The following CSF2RA variants were observed in gnomAD, a reference collection of about 807,000 sequenced individuals.
CSF2RA encodes granulocyte-macrophage colony-stimulating factor receptor subunit alpha.
A neutral mutation model predicts 51.6 loss-of-function variants in CSF2RA; 42 were observed. The observed-to-expected ratio is 0.81, with a 90% CI of 0.64 to 1.05. The LOEUF (loss-of-function observed/expected upper bound fraction) is 1.05. Among genes scored for constraint, CSF2RA ranks in the 50% least tolerant of loss-of-function variants. CSF2RA has a pLI of 0.00. For synonymous variants in CSF2RA, 222 were observed against 193.0 expected (o/e 1.15, Z -1.24); for missense variants, 530 against 501.1 (o/e 1.06, Z -0.55).
intron 2 of CSF2RA, among the ~76,000 whole-genome samples, chrX:1,278,439 C>A (rs1274799447): frequency 6.7e-6 from 1 of 149,560 alleles, no homozygotes; most frequent in Non-Finnish European, 1.5e-5. Context: ...ATAATCCCAG[C>A]ACTTTGGGAG....
chrX:1,309,742 C>A lies in CSF2RA; in HGVS notation c.*263C>A. 1 of 750,844 alleles carries A rather than the reference C, an allele frequency of 1.3e-6. No homozygotes were observed. Among genetic ancestry groups the A allele is most frequent in the Non-Finnish European group, 2.3e-6 (1 of 434,780 alleles). 46.5% of individuals were successfully genotyped at this position (750,844 alleles called of 1,614,324 possible). Reference sequence around the variant, plus strand: ...TCTGGACTAAAAATGCAGAAATTTACCCAGGCACGGCGGCGGACGCCCATC... The same window carrying A: ...TCTGGACTAAAAATGCAGAAATTTAACCAGGCACGGCGGCGGACGCCCATC... On this transcript the variant is annotated 3_prime_UTR_variant, in exon 13 of 13. Transcript: ENST00000381529.
the CSF2RA span, among the ~76,000 whole-genome samples, chrX:1,321,806 C>CT: frequency 1.1e-4 from 16 of 152,074 alleles, no homozygotes; most frequent in African/African-American, 3.6e-4. Flanking sequence ...TGCCACACTG[C>CT]TTATGATGCC....
At chrX:1,314,428 C>CAACCACACTGCACCTGCCT (rs2084372171), downstream of CSF2RA, among the ~76,000 whole-genome samples, 1 of 148,862 alleles carries the variant, frequency 6.7e-6, no homozygotes, top group African/African-American at 2.6e-5. Context: ...TGCACCTGCC[C>CAACCACACTGCACCTGCCT]AACCGCACTG....
rs2083797006 is a variant in CSF2RA, at chrX:1,307,788, T to C, written c.1126-1614T>C. Reference sequence around the variant, plus strand: ...CAACTGATTAGATGAGGCCCACCTTTCCCTTTTTAGACCTTTGACTGATTA... The same window carrying C: ...CAACTGATTAGATGAGGCCCACCTTCCCCTTTTTAGACCTTTGACTGATTA... On this transcript the variant is annotated intron_variant, in intron 12 of 12. Transcript: ENST00000381529. Among the ~76,000 whole-genome samples the C allele has an allele frequency of 2.8e-5, 4 of 140,438 alleles. 1 individual carries two copies. The highest frequency in any genetic ancestry group is 6.4e-5 in the Non-Finnish European group (4 of 62,342). The allele number at this position is 140,438 out of a possible 152,430, so 92.1% of individuals were successfully genotyped here.
Position 1,309,405 on chromosome X carries a change from A to T in CSF2RA, c.1129A>T (p.Ile377Phe). 1 of 1,613,898 alleles carries T rather than the reference A, an allele frequency of 6.2e-7. No homozygotes were observed. Among genetic ancestry groups the T allele is most frequent in the Non-Finnish European group, 8.5e-7 (1 of 1,179,802 alleles). Residue 377 changes from isoleucine to phenylalanine, a missense_variant, in exon 13 of 13, where the codon ATC (isoleucine) becomes TTC (phenylalanine). By Grantham distance (21) the Ile-to-Phe change is conservative. Transcript: ENST00000381529. ...CCTGAACCCTCCTTTTTCTCAGATC[A>T]TCTGGGAGGAATTCACCCCAGAGGA... Reference protein sequence around the residue: ...NDNHEVEDEIIWEEFTPEEGK... With the variant: ...NDNHEVEDEIFWEEFTPEEGK...
chrX:1,318,185 CAG>C, the CSF2RA span, among the ~76,000 whole-genome samples: 2 of 144,488 alleles, frequency 1.4e-5, no homozygotes, highest in Non-Finnish European at 3.0e-5. Context: ...TTTTTTGAGA[CAG>C]AGTTTCATTC....
intron 12 of CSF2RA, chrX:1,306,039 A>G (rs752104658): frequency 1.3e-3 from 616 of 464,096 alleles, no homozygotes; most frequent in Non-Finnish European, 2.2e-3. Flanking sequence ...CCGAGATCGC[A>G]CCACTGCACT....
downstream of CSF2RA, among the ~76,000 whole-genome samples, chrX:1,311,163 T>G (rs1432848249): frequency 6.6e-6 from 1 of 151,098 alleles, no homozygotes; most frequent in Non-Finnish European, 1.5e-5. Context: ...GCAGCAGAAT[T>G]GCTTGAACCC....
At chrX:1,302,662 G>T (rs117441063) in intron 10 of CSF2RA, among the ~76,000 whole-genome samples, 1 of 144,108 alleles carries the variant, frequency 6.9e-6, no homozygotes, top group Non-Finnish European at 1.5e-5. Flanking sequence ...CATGCATCAC[G>T]CTTGGCCAAT....
At chrX:1,288,448 C>T in intron 4 of CSF2RA, 71 bp from the exon 5 acceptor site, 1 of 1,608,824 alleles carries the variant, frequency 6.2e-7, no homozygotes, top group Non-Finnish European at 8.5e-7. Flanking sequence ...CGCCACTGCA[C>T]TCCAGCCTGG....
chrX:1,314,509 G>A (rs373011649), downstream of CSF2RA, among the ~76,000 whole-genome samples: 128 of 82,950 alleles, frequency 1.5e-3, no homozygotes, highest in East Asian at 3.7e-3. Flanking sequence ...CTGCCCAACC[G>A]CACTGCACCT....
intron 11 of CSF2RA, among the ~76,000 whole-genome samples, chrX:1,305,124 G>C (rs28674924): frequency 0.71 from 107,088 of 151,174 alleles, 38,348 homozygotes; most frequent in Middle Eastern, 0.84. Flanking sequence ...CTCCTGAATA[G>C]CTGGGATTAC....
intron 6 of CSF2RA, among the ~76,000 whole-genome samples, chrX:1,289,384 T>TC (rs1199537709): frequency 6.6e-6 from 1 of 152,078 alleles, no homozygotes; most frequent in Non-Finnish European, 1.5e-5. Context: ...TGCCTCAACC[T>TC]CCCCAAAGTG....
chrX:1,274,986 A>G (rs1354395006), intron 2 of CSF2RA, 168 bp downstream of exon 2: 22 of 384,006 alleles, frequency 5.7e-5, no homozygotes, highest in African/African-American at 4.4e-4. Context: ...GACAAATTTA[A>G]CATGTCACGT....
Position 1,290,285 on chromosome X carries a change from G to GTGTTT in CSF2RA, c.474-40_474-36dup, listed in dbSNP as rs1416494782. 23 of 1,408,882 alleles carry GTGTTT rather than the reference G, an allele frequency of 1.6e-5. 1 individual carries two copies. The highest frequency in any genetic ancestry group is 2.2e-5 in the Non-Finnish European group (22 of 996,496). 87.3% of individuals were successfully genotyped at this position (1,408,882 alleles called of 1,614,324 possible). On this transcript the variant is annotated intron_variant, in intron 6 of 12. Transcript: ENST00000381529. ...TGTTTTTGTTTTGTTTTGTGTTTTT[G>GTGTTT]TGTTTTGTTTTGTTTTCCTGATTGC...
downstream of CSF2RA, among the ~76,000 whole-genome samples, chrX:1,312,482 A>C (rs1461758537): frequency 6.6e-6 from 1 of 151,798 alleles, no homozygotes; most frequent in African/African-American, 2.4e-5. Context: ...ACGTGGACAT[A>C]TTTGGGGACA....
chrX:1,314,343 GCGCC>G (rs2084353576), downstream of CSF2RA, among the ~76,000 whole-genome samples: 12 of 134,324 alleles, frequency 8.9e-5, no homozygotes, highest in African/African-American at 2.4e-4. Flanking sequence ...CAACCCCACT[GCGCC>G]TGCCCAACCC....
chrX:1,280,148 G>A (rs1240734973), intron 2 of CSF2RA, among the ~76,000 whole-genome samples: 1 of 152,006 alleles, frequency 6.6e-6, no homozygotes, highest in African/African-American at 2.4e-5. Context: ...TGGACAGATG[G>A]GTCCCACCAG....
intron 9 of CSF2RA, among the ~76,000 whole-genome samples, chrX:1,298,526 G>A (rs1313757885): frequency 1.8e-5 from 2 of 112,404 alleles, no homozygotes; most frequent in Non-Finnish European, 3.5e-5. Flanking sequence ...GCCGTAGTGT[G>A]ACCCTACAAT....
Sources: gnomAD v4.1 joint callset for allele counts (sites outside exome capture counted in the v4.1 genomes callset) on GRCh38, gnomAD v4.1.1 for gene constraint, MANE v1.5 for transcripts, NCBI Gene and HGNC (gene_info 2026-07-23, HGNC 2026-07-21) for gene names.